The following ROBO1 variants were observed in gnomAD, a reference collection of about 807,000 sequenced individuals.
ROBO1 encodes the protein roundabout homolog 1.
Under a neutral mutation model 195.9 loss-of-function variants are expected in ROBO1, and 149 were observed. That is an observed-to-expected ratio of 0.76 (90% CI 0.67 to 0.87). The LOEUF (loss-of-function observed/expected upper bound fraction) is 0.87. ROBO1 is among the 40% of genes least tolerant of loss of function. The probability of loss-of-function intolerance (pLI) is 0.00; values close to 1 mark genes in which losing one functional copy is unlikely to be tolerated. For synonymous variants in ROBO1, 816 were observed against 733.2 expected, an observed-to-expected ratio of 1.11 and a Z score of -1.82; for missense variants, 1,933 against 2,068.3, an observed-to-expected ratio of 0.93 and a Z score of 1.27.
intron 2 of ROBO1, among the ~76,000 whole-genome samples, chr3:79,395,339 A>G (rs1447198880): frequency 9.4e-5 from 14 of 148,192 alleles, no homozygotes; most frequent in South Asian, 2.1e-4. Flanking sequence ...AAAAAAAAAA[A>G]AAAAGAAAGA....
chr3:78,677,102 A>C (rs1296686700), intron 10 of ROBO1, among the ~76,000 whole-genome samples: 1 of 152,138 alleles, frequency 6.6e-6, no homozygotes, highest in Non-Finnish European at 1.5e-5. Context: ...GAGTAATAAA[A>C]TACTTTAGAC....
Position 79,222,058 on chromosome 3 carries a change from C to T in ROBO1, c.89-96519G>A, listed in dbSNP as rs1182830477. On this transcript the variant is annotated intron_variant, in intron 2 of 30. Transcript: ENST00000464233. ...CTTAAATGAAGAGTTTGAGCTTCCACTGAGCATACTGTGATTTTCTGCCTC... is the reference window on the plus strand; with the variant it reads ...CTTAAATGAAGAGTTTGAGCTTCCATTGAGCATACTGTGATTTTCTGCCTC... Among the ~76,000 whole-genome samples the T allele has an allele frequency of 9.2e-5, 14 of 152,034 alleles. No homozygotes were observed. The South Asian group carries it at 1.2e-3, about 13-fold the overall frequency.
chr3:79,121,793 CT>C (rs895594629), intron 3 of ROBO1, among the ~76,000 whole-genome samples: 1 of 151,774 alleles, frequency 6.6e-6, no homozygotes, highest in Non-Finnish European at 1.5e-5. Context: ...AATTTACAGA[CT>C]TTTTTTGTTA....
chr3:78,766,170 T>A (rs1056237520), intron 4 of ROBO1, among the ~76,000 whole-genome samples: 2 of 152,120 alleles, frequency 1.3e-5, no homozygotes, highest in African/African-American at 4.8e-5. Context: ...CCAGTTGAAA[T>A]AATTTTGTTT....
rs1173586059 is a variant in ROBO1 at position 79,464,467 on chromosome 3, T to C, written c.88+125357A>G. On this transcript the variant is annotated intron_variant, in intron 2 of 30. Transcript: ENST00000464233. ...TTTTCATTATAGTCATCCTAGTGGA[T>C]GTGAAGAGATATCTCGTTTGGGTTT... Among the ~76,000 whole-genome samples, 6 of 152,308 alleles carry C rather than the reference T, an allele frequency of 3.9e-5. No individual in the cohort carries two copies. The East Asian group carries it at 1.2e-3, about 29-fold the overall frequency.
At chr3:78,797,473 A>G (rs908889082) in intron 4 of ROBO1, among the ~76,000 whole-genome samples, 1 of 152,198 alleles carries the variant, frequency 6.6e-6, no homozygotes, top group African/African-American at 2.4e-5. Flanking sequence ...GGTGTAACAG[A>G]GGAGCAGCAC....
chr3:79,194,272 G>GT (rs2081591490), intron 2 of ROBO1, among the ~76,000 whole-genome samples: 1 of 151,556 alleles, frequency 6.6e-6, no homozygotes, highest in Admixed American at 6.6e-5. Flanking sequence ...AGCAAACATT[G>GT]TATGTACTGT....
intron 4 of ROBO1, among the ~76,000 whole-genome samples, chr3:78,856,601 G>A (rs1400175280): frequency 6.6e-6 from 1 of 151,082 alleles, no homozygotes; most frequent in Non-Finnish European, 1.5e-5. Context: ...CTACTTATGT[G>A]CCCTGACCTT....
intron 2 of ROBO1, among the ~76,000 whole-genome samples, chr3:79,552,002 A>AC (rs1559986292): frequency 8.0e-6 from 1 of 125,316 alleles, no homozygotes; most frequent in Non-Finnish European, 1.7e-5. Flanking sequence ...AAAAAAAAAA[A>AC]AAAAAAAAAA....
chr3:78,852,244 A>T (rs901090821), intron 4 of ROBO1, among the ~76,000 whole-genome samples: 2 of 152,164 alleles, frequency 1.3e-5, no homozygotes, highest in African/African-American at 4.8e-5. Flanking sequence ...TGTTAAGTAG[A>T]AGTGCAAAGA....
intron 2 of ROBO1, among the ~76,000 whole-genome samples, chr3:79,485,578 C>A (rs1939115558): frequency 6.6e-6 from 1 of 151,954 alleles, no homozygotes; most frequent in African/African-American, 2.4e-5. Flanking sequence ...TTTTTGTTAA[C>A]CCACAATCGT....
At chr3:78,881,103 G>A (rs1279943509) in intron 4 of ROBO1, among the ~76,000 whole-genome samples, 1 of 152,184 alleles carries the variant, frequency 6.6e-6, no homozygotes, top group Non-Finnish European at 1.5e-5. Flanking sequence ...CAGCTCAGTA[G>A]TGGTTGCCAG....
intron 2 of ROBO1, among the ~76,000 whole-genome samples, chr3:79,580,673 C>T (rs912819443): frequency 2.6e-5 from 4 of 151,948 alleles, no homozygotes; most frequent in South Asian, 4.1e-4. Context: ...AATATATTCA[C>T]TGATATTTTA....
intron 2 of ROBO1, among the ~76,000 whole-genome samples, chr3:79,165,614 A>G (rs2081050285): frequency 6.6e-6 from 1 of 152,216 alleles, no homozygotes; most frequent in African/African-American, 2.4e-5. Context: ...AGCCTGAAAG[A>G]ACGGAATTTC....
intron 2 of ROBO1, among the ~76,000 whole-genome samples, chr3:79,264,982 G>A (rs2083010311): frequency 6.6e-6 from 1 of 151,894 alleles, no homozygotes; most frequent in Non-Finnish European, 1.5e-5. Flanking sequence ...TATAATGTCA[G>A]CAGCGGCTGG....
intron 2 of ROBO1, among the ~76,000 whole-genome samples, chr3:79,223,514 G>C (rs1444289425): frequency 6.6e-6 from 1 of 152,092 alleles, no homozygotes; most frequent in Non-Finnish European, 1.5e-5. Context: ...GCAGCAATAG[G>C]ATTATTCTGG....
At chr3:79,399,698 T>A (rs370525506) in intron 2 of ROBO1, among the ~76,000 whole-genome samples, 1 of 152,176 alleles carries the variant, frequency 6.6e-6, no homozygotes, top group East Asian at 1.9e-4. Context: ...AACATCAAGA[T>A]TGTTTTTAAT....
chr3:78,683,709 A>G (rs534490085), intron 10 of ROBO1, among the ~76,000 whole-genome samples: 16 of 152,166 alleles, frequency 1.1e-4, no homozygotes, highest in African/African-American at 3.8e-4. Flanking sequence ...ATTATGCTGG[A>G]ATTATTAGTT....
intron 2 of ROBO1, among the ~76,000 whole-genome samples, chr3:79,128,271 G>A (rs1238232741): frequency 6.6e-6 from 1 of 152,126 alleles, no homozygotes; most frequent in Non-Finnish European, 1.5e-5. Context: ...ATTGGTGAAA[G>A]CTGTCATCCC....
Sources: gnomAD v4.1 joint callset for allele counts (sites outside exome capture counted in the v4.1 genomes callset) on GRCh38, gnomAD v4.1.1 for gene constraint, MANE v1.5 for transcripts, NCBI Gene and HGNC (gene_info 2026-07-23, HGNC 2026-07-21) for gene names.